DIP2C: variants seen among roughly 807,000 people sequenced by gnomAD.
The protein encoded by DIP2C is DIP2 acetate--CoA ligase C (putative).
In DIP2C, 33 loss-of-function variants were observed where a neutral mutation model predicts 192.4. That is an observed-to-expected ratio of 0.17 (90% CI 0.13 to 0.23). The LOEUF is 0.23. Ranked by LOEUF, DIP2C falls within the 10% of genes least tolerant of loss-of-function variation. The probability of loss-of-function intolerance (pLI) is 1.00; values close to 1 mark genes in which losing one functional copy is unlikely to be tolerated. For synonymous variants in DIP2C, 979 were observed against 864.1 expected (o/e 1.13, Z -2.33); for missense variants, 1,537 against 2,110.1 (o/e 0.73, Z 5.32).
At chr10:571,723 G>A (rs17159685) in intron 1 of DIP2C, among the ~76,000 whole-genome samples, 6,358 of 152,256 alleles carry the variant, frequency 0.042, 185 homozygotes, top group East Asian at 0.14. Flanking sequence ...CGTGGGCTCC[G>A]TGTCCACTCA....
intron 1 of DIP2C, among the ~76,000 whole-genome samples, chr10:599,551 G>C (rs1851923781): frequency 6.6e-6 from 1 of 152,206 alleles, no homozygotes; most frequent in Non-Finnish European, 1.5e-5. Flanking sequence ...TCGTGGGTCA[G>C]TGAACGAAAG....
chr10:304,756 A>C (rs1413310427), intron 32 of DIP2C, among the ~76,000 whole-genome samples: 4 of 67,868 alleles, frequency 5.9e-5, no homozygotes, highest in African/African-American at 2.0e-4. Flanking sequence ...ACACACATAA[A>C]ACAGTACACT....
At chr10:639,206 G>GTCGGGAGA (rs1346977071) in intron 1 of DIP2C, among the ~76,000 whole-genome samples, 1 of 147,754 alleles carries the variant, frequency 6.8e-6, no homozygotes, top group Non-Finnish European at 1.5e-5. Context: ...AGGCCATCAG[G>GTCGGGAGA]GTGCTGCCCG....
At chr10:317,588 T>C (rs979723690) in intron 31 of DIP2C, among the ~76,000 whole-genome samples, 8 of 152,222 alleles carry the variant, frequency 5.3e-5, no homozygotes, top group Admixed American at 5.2e-4. Context: ...GTTCAAGACA[T>C]AGACTAAAAG....
At chr10:629,822 T>C (rs1156260260) in intron 1 of DIP2C, 1 of 152,316 alleles carries the variant, frequency 6.6e-6, no homozygotes, top group Non-Finnish European at 1.5e-5. Flanking sequence ...CAGCCGAGAA[T>C]GTGGTGCTTT....
chr10:676,342 A>T (rs1830875854), intron 1 of DIP2C, among the ~76,000 whole-genome samples: 1 of 152,130 alleles, frequency 6.6e-6, no homozygotes, highest in Non-Finnish European at 1.5e-5. Context: ...TTTCTCTGAG[A>T]TCTGTAGCAA....
intron 1 of DIP2C, among the ~76,000 whole-genome samples, chr10:625,718 G>C (rs1854156481): frequency 6.6e-6 from 1 of 152,224 alleles, no homozygotes; most frequent in Non-Finnish European, 1.5e-5. Flanking sequence ...TAAATGCAAA[G>C]GCCGCCCTGG....
Position 689,478 on chromosome 10 carries a change from GC to G in DIP2C, c.85+15del. 8.4e-7 allele frequency: 1 copy of G among 1,193,038 alleles called. No individual in the cohort carries two copies. The allele number at this position is 1,193,038 out of a possible 1,614,324, so 73.9% of individuals were successfully genotyped here. On this transcript the variant is annotated intron_variant, in intron 1 of 36. Transcript: ENST00000280886. The surrounding 1 kb of genome is among the most constrained non-coding windows in gnomAD (Gnocchi z 6.1). The stretch of plus-strand genomic sequence containing the variant: ...CGGTGACAGCGCGGCCCGGCCCGGG[GC>G]GGGGGCCCGGTTACCTTCCGACAGC...
chr10:649,861 C>A, intron 1 of DIP2C: 1 of 527,960 alleles, frequency 1.9e-6, no homozygotes, highest in Non-Finnish European at 3.3e-6. Flanking sequence ...AGAAGCATGC[C>A]TTATTATCAA....
intron 1 of DIP2C, among the ~76,000 whole-genome samples, chr10:637,015 G>A (rs574890969): frequency 2.4e-4 from 36 of 152,374 alleles, no homozygotes; most frequent in Middle Eastern, 3.4e-3. Flanking sequence ...TGGAGGGGCC[G>A]CGGGCAGCCG....
chr10:370,231 G>A (rs550038816), intron 17 of DIP2C, among the ~76,000 whole-genome samples: 1 of 152,248 alleles, frequency 6.6e-6, no homozygotes. Flanking sequence ...GCTGTAGAAT[G>A]CATTGTGGGT....
At chr10:424,907 G>A (rs191358330) in intron 4 of DIP2C, among the ~76,000 whole-genome samples, 14 of 152,290 alleles carry the variant, frequency 9.2e-5, no homozygotes, top group African/African-American at 1.4e-4. Context: ...AACAGCATAT[G>A]ACACGGATGA....
chr10:423,979 C>A (rs1966396240), intron 4 of DIP2C, among the ~76,000 whole-genome samples: 2 of 152,142 alleles, frequency 1.3e-5, no homozygotes, highest in South Asian at 4.2e-4. Flanking sequence ...TAACAAAATA[C>A]ATCAATTTTT....
chr10:615,939 TAC>T (rs1454762199), intron 1 of DIP2C, among the ~76,000 whole-genome samples: 1 of 152,156 alleles, frequency 6.6e-6, no homozygotes, highest in Non-Finnish European at 1.5e-5. Context: ...GCTCCACAGA[TAC>T]AGCCCGCTCA....
chr10:414,502 A>G (rs1253243424), intron 7 of DIP2C, among the ~76,000 whole-genome samples: 1 of 152,060 alleles, frequency 6.6e-6, no homozygotes, highest in African/African-American at 2.4e-5. Flanking sequence ...TTTTGTCCTG[A>G]AAGATTAATG....
intron 1 of DIP2C, among the ~76,000 whole-genome samples, chr10:548,204 CCCCA>C (rs1398371704): frequency 3.5e-5 from 1 of 28,478 alleles, no homozygotes; most frequent in African/African-American, 1.0e-4. Flanking sequence ...CACGAGTCTG[CCCCA>C]CCCCCCCCCC....
At chr10:611,374 T>C (rs1052834972) in intron 1 of DIP2C, among the ~76,000 whole-genome samples, 1 of 152,206 alleles carries the variant, frequency 6.6e-6, no homozygotes, top group Non-Finnish European at 1.5e-5. Flanking sequence ...AGTGGAAGAA[T>C]AGCGCAGGCC....
chr10:542,136 C>T (rs1053047899), intron 1 of DIP2C, among the ~76,000 whole-genome samples: 22 of 152,210 alleles, frequency 1.4e-4, no homozygotes, highest in African/African-American at 5.1e-4. Flanking sequence ...GGCCACATCC[C>T]ACTTGCCTGC....
intron 1 of DIP2C, among the ~76,000 whole-genome samples, chr10:554,720 A>G (rs1050629778): frequency 6.6e-6 from 1 of 152,204 alleles, no homozygotes; most frequent in Admixed American, 6.5e-5. Flanking sequence ...TCTGCACCCC[A>G]TGTGAGAAAT....
Sources: gnomAD v4.1 joint callset for allele counts (sites outside exome capture counted in the v4.1 genomes callset) on GRCh38, gnomAD v4.1.1 for gene constraint, Gnocchi (gnomAD v3.1) non-coding constraint, MANE v1.5 for transcripts, NCBI Gene and HGNC (gene_info 2026-07-23, HGNC 2026-07-21) for gene names.